Variants in NARS2 observed in about 807,000 individuals in gnomAD.
NARS2 encodes the protein asparaginyl-tRNA synthetase.
In NARS2, 60 loss-of-function variants were observed where a neutral mutation model predicts 62.9. The observed-to-expected ratio is 0.95, with a 90% CI of 0.77 to 1.18. NARS2 has a LOEUF of 1.18. Ranked by LOEUF, NARS2 falls within the 50% of genes most tolerant of loss-of-function variation. The pLI is 0.00. For missense variants in NARS2, 619 were observed against 576.4 expected (o/e 1.07, Z -0.76); for synonymous variants, 196 against 200.0 (o/e 0.98, Z 0.17).
At chr11:78,439,811 C>G (rs758897215) in intron 13 of NARS2, among the ~76,000 whole-genome samples, 7 of 151,950 alleles carry the variant, frequency 4.6e-5, no homozygotes, top group Non-Finnish European at 7.4e-5. Flanking sequence ...ATACCAAGAT[C>G]CTGAAGGAGT....
At chr11:78,436,929 G>A in intron 13 of NARS2, 115 bp from the exon 14 acceptor site, 1 of 983,650 alleles carries the variant, frequency 1.0e-6, no homozygotes, top group Non-Finnish European at 1.5e-6. Flanking sequence ...TTACCTCACT[G>A]TGATAGACCA....
intron 11 of NARS2, among the ~76,000 whole-genome samples, chr11:78,459,121 G>A (rs992738596): frequency 5.9e-5 from 9 of 152,008 alleles, no homozygotes; most frequent in African/African-American, 1.9e-4. Context: ...CACCTTGTTG[G>A]TCAGGCTGGT....
At chr11:78,464,216 G>C (rs1410445821) in intron 11 of NARS2, among the ~76,000 whole-genome samples, 1 of 151,940 alleles carries the variant, frequency 6.6e-6, no homozygotes, top group Non-Finnish European at 1.5e-5. Context: ...TCGTGGGCTC[G>C]CTGGCTTCAG....
chr11:78,436,137 G>C lies in NARS2; in HGVS notation c.*533C>G, dbSNP rs1297210066. On this transcript the variant is annotated 3_prime_UTR_variant, in exon 14 of 14. Transcript: ENST00000281038. Reference sequence around the variant, plus strand: ...ATTTTTTCATCCAGTTCAATGAAAGGAGATTTCAATTCAGAATAGCTACTT... The same window carrying C: ...ATTTTTTCATCCAGTTCAATGAAAGCAGATTTCAATTCAGAATAGCTACTT... The C allele has an allele frequency of 6.6e-6, 1 of 152,128 alleles. No homozygotes were observed. Among genetic ancestry groups the C allele is most frequent in the Non-Finnish European group, 1.5e-5 (1 of 68,080 alleles). 9.4% of individuals were successfully genotyped at this position (152,128 alleles called of 1,614,324 possible). A position where few individuals can be genotyped will look rare whatever the true frequency, so the allele number is the denominator to read the frequency against.
At chr11:78,544,040 ACTCT>A (rs1473458237) in intron 5 of NARS2, among the ~76,000 whole-genome samples, 2 of 148,768 alleles carry the variant, frequency 1.3e-5, no homozygotes, top group Non-Finnish European at 3.0e-5. Context: ...AAAAAAAAAA[ACTCT>A]CTCTCACTCT....
chr11:78,510,933 T>C (rs1860698732), intron 6 of NARS2, among the ~76,000 whole-genome samples: 1 of 152,166 alleles, frequency 6.6e-6, no homozygotes, highest in Admixed American at 6.5e-5. Context: ...TTCATTTATA[T>C]AAGATTCTAA....
Position 78,465,857 on chromosome 11 carries a change from A to G in NARS2, c.1164+19T>C. On this transcript the variant is annotated intron_variant, in intron 11 of 13. Transcript: ENST00000281038. ...AACCTAAGAGGACTAACCCCAATTT[A>G]TTTAGTATCTCTTCTTACCGTGTGC... The G allele has an allele frequency of 6.2e-7, 1 of 1,613,808 alleles. No homozygotes were observed. Among genetic ancestry groups the G allele is most frequent in the Non-Finnish European group, 8.5e-7 (1 of 1,179,770 alleles).
chr11:78,571,223 T>C (rs898052069), intron 2 of NARS2, 112 bp downstream of exon 2: 2 of 652,042 alleles, frequency 3.1e-6, no homozygotes, highest in African/African-American at 3.6e-5. Context: ...TTAAAGCAGA[T>C]CTGTTTCAAA....
chr11:78,469,180 A>G (rs1376093530), intron 10 of NARS2, 67 bp downstream of exon 10: 29 of 1,060,992 alleles, frequency 2.7e-5, no homozygotes, highest in Non-Finnish European at 4.2e-5. Flanking sequence ...GATTCTTAAC[A>G]CAGTAAGCTA....
intron 6 of NARS2, among the ~76,000 whole-genome samples, chr11:78,501,690 T>TA (rs1860288131): frequency 6.6e-6 from 1 of 152,094 alleles, no homozygotes; most frequent in African/African-American, 2.4e-5. Context: ...ATTTTGAAAA[T>TA]AAAAAATAAC....
chr11:78,441,023 TA>T, intron 13 of NARS2, 67 bp downstream of exon 13: 1 of 1,454,718 alleles, frequency 6.9e-7, no homozygotes, highest in Non-Finnish European at 9.6e-7. Flanking sequence ...GGGATACAAG[TA>T]AAAACGCTTC....
At chr11:78,498,577 C>T (rs986920083) in intron 6 of NARS2, among the ~76,000 whole-genome samples, 7 of 152,028 alleles carry the variant, frequency 4.6e-5, no homozygotes, top group Non-Finnish European at 1.0e-4. Context: ...TTTGGTCCTT[C>T]CACTTGTCAC....
intron 5 of NARS2, among the ~76,000 whole-genome samples, chr11:78,555,613 A>AT (rs1225459308): frequency 2.0e-5 from 3 of 151,806 alleles, no homozygotes; most frequent in Non-Finnish European, 4.4e-5. Flanking sequence ...CCTATCATCA[A>AT]TTTTTTCAAA....
At chr11:78,492,726 T>C (rs1859879296) in intron 7 of NARS2, among the ~76,000 whole-genome samples, 1 of 152,210 alleles carries the variant, frequency 6.6e-6, no homozygotes, top group Admixed American at 6.5e-5. Context: ...GACCCCATGC[T>C]ATATGCATTA....
intron 11 of NARS2, among the ~76,000 whole-genome samples, chr11:78,447,888 G>A (rs1246362266): frequency 6.6e-6 from 1 of 152,112 alleles, no homozygotes; most frequent in Non-Finnish European, 1.5e-5. Flanking sequence ...AGGGTACAAA[G>A]TTTCAGATGG....
At chr11:78,503,633 G>C (rs948219227) in intron 6 of NARS2, among the ~76,000 whole-genome samples, 2 of 152,208 alleles carry the variant, frequency 1.3e-5, no homozygotes, top group African/African-American at 2.4e-5. Context: ...TACACTTGCA[G>C]AGGCCTATAT....
At chr11:78,561,975 C>T (rs1309319879) in intron 4 of NARS2, among the ~76,000 whole-genome samples, 2 of 152,088 alleles carry the variant, frequency 1.3e-5, no homozygotes, top group Admixed American at 1.3e-4. Context: ...GCAGAGGTTG[C>T]AGTGAGCCGA....
rs772445350 is a variant in NARS2, at chr11:78,436,649, T to C, written c.*21A>G. On this transcript the variant is annotated 3_prime_UTR_variant, in exon 14 of 14. Coordinates refer to ENST00000281038, the MANE Select transcript of NARS2 (RefSeq NM_024678.6). ...CAGTGTCTCTGCCATGGGGGGTGCTTTTCCTTAACCAATCTTCCAGCTATA... is the reference window on the plus strand; with the variant it reads ...CAGTGTCTCTGCCATGGGGGGTGCTCTTCCTTAACCAATCTTCCAGCTATA... 1.2e-6 allele frequency: 2 copies of C among 1,613,752 alleles called. No homozygotes were observed. The highest frequency in any genetic ancestry group is 1.7e-5 in the Admixed American group (1 of 59,986).
In NARS2 at chr11:78,517,382, G is replaced by A. The variant is rs138319233; in HGVS notation, c.689+11460C>T. ...GTTCCTCAACCAAAGAACACAACTG[G>A]CATTCAGTTCATAGGTGGGGAGCTG... is the stretch of plus-strand genomic sequence containing the variant. On this transcript the variant is annotated intron_variant, in intron 6 of 13. Transcript: ENST00000281038. Among the ~76,000 whole-genome samples the A allele has an allele frequency of 4.0e-3, 610 of 152,296 alleles. 4 individuals carry two copies. The highest frequency in any genetic ancestry group is 0.014 in the African/African-American group (581 of 41,560).
Sources: gnomAD v4.1 joint callset for allele counts (sites outside exome capture counted in the v4.1 genomes callset) on GRCh38, gnomAD v4.1.1 for gene constraint, MANE v1.5 for transcripts, NCBI Gene and HGNC (gene_info 2026-07-23, HGNC 2026-07-21) for gene names.